Variants in ASAP1 observed in about 807,000 individuals in gnomAD.
The protein encoded by ASAP1 is ArfGAP with SH3 domain, ankyrin repeat and PH domain 1.
In ASAP1, 43 loss-of-function variants were observed where a neutral mutation model predicts 145.2. The ratio of observed to expected loss-of-function variants is 0.30; its 90% confidence interval spans 0.23 to 0.38. The LOEUF is 0.38. Among genes scored for constraint, ASAP1 ranks in the 10% least tolerant of loss-of-function variants. The pLI is 1.00. For synonymous variants in ASAP1, 546 were observed against 515.5 expected (o/e 1.06, Z -0.80); for missense variants, 1,018 against 1,355.3 (o/e 0.75, Z 3.91).
intron 3 of ASAP1, among the ~76,000 whole-genome samples, chr8:130,292,614 A>C (rs1822014207): frequency 6.6e-6 from 1 of 152,220 alleles, no homozygotes; most frequent in South Asian, 2.1e-4. Context: ...CCTGGTCCAG[A>C]TTATTCTCTA....
At chr8:130,326,924 TG>T (rs1402805359) in intron 3 of ASAP1, among the ~76,000 whole-genome samples, 3 of 152,204 alleles carry the variant, frequency 2.0e-5, no homozygotes, top group African/African-American at 7.2e-5. Flanking sequence ...TTTCAGATTC[TG>T]GCACACCAGA....
intron 7 of ASAP1, among the ~76,000 whole-genome samples, chr8:130,182,848 A>AC (rs1474166154): frequency 6.6e-6 from 1 of 150,916 alleles, no homozygotes; most frequent in Non-Finnish European, 1.5e-5. Flanking sequence ...AAAAAAAAAA[A>AC]AACCCAACTG....
chr8:130,224,367 T>C (rs777392492), intron 4 of ASAP1, among the ~76,000 whole-genome samples: 1 of 152,186 alleles, frequency 6.6e-6, no homozygotes, highest in Non-Finnish European at 1.5e-5. Flanking sequence ...ATCACACTTA[T>C]AAAATATTTA....
chr8:130,443,102 A>G (rs1254913535), intron 1 of ASAP1, among the ~76,000 whole-genome samples: 2 of 151,862 alleles, frequency 1.3e-5, no homozygotes, highest in Non-Finnish European at 1.5e-5. Flanking sequence ...CCGGGCCGCC[A>G]AGCACGTCGT....
In ASAP1 at chr8:130,120,945, T is replaced by C. The variant is rs550992647; in HGVS notation, c.1608-2270A>G. 2.0e-5 allele frequency among the ~76,000 whole-genome samples: 3 copies of C among 152,318 alleles called. No homozygotes were observed. The East Asian group carries it at 5.8e-4, about 29-fold the overall frequency. On this transcript the variant is annotated intron_variant, in intron 18 of 29. Transcript: ENST00000518721. ...TAGTCCTATGGCTGATAAAGACAAC[T>C]TTTCTCCTCTGTCCCCTTAAACCCA...
At chr8:130,267,424 A>C (rs1051448754) in intron 3 of ASAP1, among the ~76,000 whole-genome samples, 2 of 152,236 alleles carry the variant, frequency 1.3e-5, no homozygotes, top group Non-Finnish European at 2.9e-5. Flanking sequence ...TAAGCTCTTT[A>C]GATGAAGAAT....
chr8:130,168,637 A>T (rs138692965), intron 10 of ASAP1, among the ~76,000 whole-genome samples: 264 of 152,284 alleles, frequency 1.7e-3, no homozygotes, highest in Middle Eastern at 3.4e-3. Flanking sequence ...AAAAAACTCT[A>T]TAAACCTGCC....
At chr8:130,076,677 C>T (rs766877757) in intron 26 of ASAP1, among the ~76,000 whole-genome samples, 1 of 152,030 alleles carries the variant, frequency 6.6e-6, no homozygotes, top group Non-Finnish European at 1.5e-5. Context: ...CCCACCACCA[C>T]ACCCGGCTAA....
At chr8:130,175,024 CA>C (rs1325750534) in intron 9 of ASAP1, among the ~76,000 whole-genome samples, 1 of 152,096 alleles carries the variant, frequency 6.6e-6, no homozygotes, top group East Asian at 1.9e-4. Context: ...AACTGTTTTC[CA>C]AAGAAGTTGC....
At chr8:130,175,478 G>A (rs946738236) in intron 9 of ASAP1, among the ~76,000 whole-genome samples, 2 of 152,018 alleles carry the variant, frequency 1.3e-5, no homozygotes, top group African/African-American at 2.4e-5. Flanking sequence ...CTCCTGCATC[G>A]GCCTCCTAAA....
Position 130,052,541 on chromosome 8 carries a change from T to G in ASAP1, c.*2190A>C, listed in dbSNP as rs1048732775. On this transcript the variant is annotated 3_prime_UTR_variant, in exon 30 of 30. Transcript: ENST00000518721. ...ACAAGATCACCAAAGGTATTTCTACTGAGTTTTCCTATGTCCCACAGTAAG... is the reference window on the plus strand; with the variant it reads ...ACAAGATCACCAAAGGTATTTCTACGGAGTTTTCCTATGTCCCACAGTAAG... The G allele has an allele frequency of 9.8e-5, 15 of 152,564 alleles. No homozygotes were observed. Among genetic ancestry groups the G allele is most frequent in the African/African-American group, 3.6e-4 (15 of 41,438 alleles). The allele number at this position is 152,564 out of a possible 1,614,324, so 9.5% of individuals were successfully genotyped here.
chr8:130,345,873 T>C (rs1825675381), intron 3 of ASAP1, among the ~76,000 whole-genome samples: 1 of 152,256 alleles, frequency 6.6e-6, no homozygotes, highest in Non-Finnish European at 1.5e-5. Flanking sequence ...AACAGAGGAC[T>C]GCAGGTTGCA....
At chr8:130,127,821 T>C in intron 16 of ASAP1, 106 bp downstream of exon 16, 2 of 1,258,648 alleles carry the variant, frequency 1.6e-6, no homozygotes, top group Non-Finnish European at 2.2e-6. Flanking sequence ...TGTGTGTATG[T>C]GAGTGTGTCC....
chr8:130,186,033 GT>G (rs1456509887), intron 7 of ASAP1, among the ~76,000 whole-genome samples: 2 of 152,032 alleles, frequency 1.3e-5, no homozygotes, highest in Non-Finnish European at 2.9e-5. Flanking sequence ...GTAGAACAAG[GT>G]TTTTTTCTTC....
At position 130,116,618 on chromosome 8, in the gene ASAP1, A is replaced by G. The variant is rs1478387691; in HGVS notation, c.2064+60T>C. ...TTTTAATATTCAATTCTAGCTTCTC[A>G]GAATGACACTTTTAAGGCAGCCAAT... On this transcript the variant is annotated intron_variant, in intron 22 of 29. Transcript: ENST00000518721. 4 of 1,431,974 alleles carry G rather than the reference A, an allele frequency of 2.8e-6. No homozygotes were observed. In the African/African-American group the frequency reaches 5.7e-5, roughly 20 times the overall value. 88.7% of individuals were successfully genotyped at this position (1,431,974 alleles called of 1,614,324 possible). A position where few individuals can be genotyped will look rare whatever the true frequency, so the allele number is the denominator to read the frequency against.
rs150208851 is a variant in ASAP1 at position 130,436,101 on chromosome 8, T to C, written c.-28+7359A>G. Among the ~76,000 whole-genome samples, 420 of 152,252 alleles carry C rather than the reference T, an allele frequency of 2.8e-3. 1 individual carries two copies. The highest frequency in any genetic ancestry group is 9.6e-3 in the African/African-American group (397 of 41,532). On this transcript the variant is annotated intron_variant, in intron 1 of 29. Coordinates refer to ENST00000518721, the MANE Select transcript of ASAP1 (RefSeq NM_018482.4). The stretch of plus-strand genomic sequence containing the variant: ...AGAGCAATGTGAAAGAGAACATTAG[T>C]ATATTTAAAATGAAGATATAAAACA...
chr8:130,197,791 C>A (rs1052773945), intron 5 of ASAP1, among the ~76,000 whole-genome samples: 28 of 152,230 alleles, frequency 1.8e-4, no homozygotes, highest in African/African-American at 6.8e-4. Flanking sequence ...ACGTCCAAGT[C>A]CCCGGCCCGA....
intron 2 of ASAP1, among the ~76,000 whole-genome samples, chr8:130,369,520 C>A (rs868173228): frequency 6.6e-6 from 1 of 151,852 alleles, no homozygotes; most frequent in African/African-American, 2.4e-5. Context: ...CTTTTGCAAC[C>A]CAACAATAAA....
chr8:130,092,228 T>C (rs1328957633), intron 24 of ASAP1, 85 bp from the exon 25 acceptor site: 3 of 1,394,896 alleles, frequency 2.2e-6, no homozygotes, highest in Non-Finnish European at 2.9e-6. Flanking sequence ...CTTCCACACA[T>C]CAGAATGTGG....
Sources: allele counts gnomAD v4.1 joint callset (sites outside exome capture counted in the v4.1 genomes callset), GRCh38; gene constraint gnomAD v4.1.1; transcripts MANE v1.5; gene names NCBI Gene and HGNC (gene_info 2026-07-23, HGNC 2026-07-21).